GRM8: variants seen among roughly 807,000 people sequenced by gnomAD.
GRM8 encodes metabotropic glutamate receptor 8.
Under a neutral mutation model 87.2 loss-of-function variants are expected in GRM8, and 47 were observed. That is an observed-to-expected ratio of 0.54 (90% CI 0.43 to 0.69). The LOEUF (loss-of-function observed/expected upper bound fraction) is 0.69. Ranked by LOEUF, GRM8 falls within the 30% of genes least tolerant of loss-of-function variation. The pLI is 0.00. For missense variants in GRM8, 1,019 were observed against 1,139.2 expected (o/e 0.89, Z 1.52); for synonymous variants, 396 against 404.5 (o/e 0.98, Z 0.25).
intron 2 of GRM8, among the ~76,000 whole-genome samples, chr7:127,131,493 A>G (rs1190124572): frequency 6.6e-6 from 1 of 152,196 alleles, no homozygotes; most frequent in Non-Finnish European, 1.5e-5. Context: ...TCCCATTCTA[A>G]GTAGAATCAC....
intron 6 of GRM8, among the ~76,000 whole-genome samples, chr7:126,867,746 G>T: frequency 6.6e-6 from 1 of 152,138 alleles, no homozygotes; most frequent in East Asian, 1.9e-4. Flanking sequence ...AGAGGTGAAA[G>T]GAGGAGACAA....
At chr7:127,142,347 G>T (rs1342184110) in intron 2 of GRM8, among the ~76,000 whole-genome samples, 1 of 152,086 alleles carries the variant, frequency 6.6e-6, no homozygotes, top group Non-Finnish European at 1.5e-5. Context: ...CTAGTGCATG[G>T]ACTGGGGAAA....
chr7:127,063,962 A>T (rs552751765), intron 3 of GRM8, among the ~76,000 whole-genome samples: 1 of 152,218 alleles, frequency 6.6e-6, no homozygotes, highest in Non-Finnish European at 1.5e-5. Context: ...TTGACTTTCT[A>T]TTTTTATTGT....
intron 2 of GRM8, among the ~76,000 whole-genome samples, chr7:127,192,810 C>A (rs940898379): frequency 6.6e-6 from 1 of 152,172 alleles, no homozygotes; most frequent in Admixed American, 6.5e-5. Context: ...CACAGCAAGT[C>A]CACACCTTCT....
intron 2 of GRM8, among the ~76,000 whole-genome samples, chr7:127,191,725 T>C (rs1046115734): frequency 6.6e-6 from 1 of 152,212 alleles, no homozygotes; most frequent in Non-Finnish European, 1.5e-5. Context: ...AAATAATATT[T>C]TCAACATTAG....
Position 127,015,080 on chromosome 7 carries a change from AG to A in GRM8, c.727+91415del, listed in dbSNP as rs1358489123. 9.6e-3 allele frequency among the ~76,000 whole-genome samples: 902 copies of A among 93,806 alleles called. 7 individuals carry two copies. Among genetic ancestry groups the A allele is most frequent in the Middle Eastern group, 0.017 (3 of 172 alleles). 61.5% of individuals were successfully genotyped at this position (93,806 alleles called of 152,430 possible). On this transcript the variant is annotated intron_variant, in intron 3 of 10. Coordinates refer to ENST00000339582, the MANE Select transcript of GRM8 (RefSeq NM_000845.3). ...GAAGAAGAAGAAGAAAGAAAGAAGGAGAAGAAGGAGAAGAAGGAGAAGGAGA... is the reference window on the plus strand; with the variant it reads ...GAAGAAGAAGAAGAAAGAAAGAAGGAAAGAAGGAGAAGAAGGAGAAGGAGA...
intron 9 of GRM8, among the ~76,000 whole-genome samples, chr7:126,489,454 C>T (rs1450264573): frequency 6.6e-6 from 1 of 151,936 alleles, no homozygotes; most frequent in Admixed American, 6.6e-5. Context: ...TGAATATTGG[C>T]AAAGTACTAT....
At chr7:127,210,351 C>A (rs936142661) in intron 2 of GRM8, among the ~76,000 whole-genome samples, 10 of 152,138 alleles carry the variant, frequency 6.6e-5, no homozygotes, top group Admixed American at 3.3e-4. Flanking sequence ...TAATGTTTTA[C>A]TTCCCAAGCC....
chr7:126,493,131 C>A lies in GRM8; in HGVS notation c.2430+39821G>T, dbSNP rs530707947. Among the ~76,000 whole-genome samples the A allele has an allele frequency of 5.3e-5, 8 of 152,090 alleles. No individual in the cohort carries two copies. In the South Asian group the frequency reaches 1.7e-3, roughly 32 times the overall value. On this transcript the variant is annotated intron_variant, in intron 9 of 10. Coordinates refer to ENST00000339582, the MANE Select transcript of GRM8 (RefSeq NM_000845.3). ...ACATTTTCATCTAGTAAAACTGCTC[C>A]ACTATGGAATCCCCTTTCCCTTTTT... is the stretch of plus-strand genomic sequence containing the variant.
chr7:126,585,077 C>T (rs57903513), intron 8 of GRM8, among the ~76,000 whole-genome samples: 8,004 of 152,162 alleles, frequency 0.053, 599 homozygotes, highest in African/African-American at 0.16. Flanking sequence ...TATAGCATCG[C>T]TTCTATTTAT....
chr7:127,242,705 C>G lies in GRM8; in HGVS notation c.500G>C (p.Arg167Thr), dbSNP rs776219293. 1.9e-6 allele frequency: 3 copies of G among 1,613,674 alleles called. No individual in the cohort carries two copies. Among genetic ancestry groups the G allele is most frequent in the Non-Finnish European group, 2.5e-6 (3 of 1,179,870 alleles). ...SVSIMVANIL[R>T]LFKIPQISYA... ...AATGCCTTTACCTACCTTAAAAAGTCTTAAAATGTTAGCAACCATGATGGA... is the reference window on the plus strand; with the variant it reads ...AATGCCTTTACCTACCTTAAAAAGTGTTAAAATGTTAGCAACCATGATGGA... Residue 167 changes from arginine to threonine, a missense_variant, in exon 2 of 11, where the codon AGA (arginine) becomes ACA (threonine). Physicochemically the swap from Arg to Thr is moderately conservative, Grantham distance 71 (BLOSUM62 -1). Transcript: ENST00000339582.
intron 9 of GRM8, among the ~76,000 whole-genome samples, chr7:126,487,709 A>G (rs1044010844): frequency 2.6e-4 from 40 of 152,062 alleles, no homozygotes; most frequent in African/African-American, 8.2e-4. Context: ...AGATTTTACT[A>G]TAGAATATAA....
intron 3 of GRM8, among the ~76,000 whole-genome samples, chr7:126,998,716 A>C (rs1055244227): frequency 1.3e-5 from 2 of 151,716 alleles, no homozygotes; most frequent in African/African-American, 4.8e-5. Flanking sequence ...AACTGAAAAA[A>C]ACTCTACAAT....
intron 2 of GRM8, among the ~76,000 whole-genome samples, chr7:127,154,033 C>G (rs1238055994): frequency 6.6e-6 from 1 of 152,166 alleles, no homozygotes; most frequent in East Asian, 1.9e-4. Flanking sequence ...TGCTGAAAAC[C>G]ACCTTTGAGA....
chr7:126,941,286 C>A (rs1305790590), intron 3 of GRM8, among the ~76,000 whole-genome samples: 2 of 151,904 alleles, frequency 1.3e-5, no homozygotes, highest in Non-Finnish European at 2.9e-5. Context: ...AAATTAAATC[C>A]CTTCCTAGAA....
chr7:126,560,431 A>AG (rs1331768670), intron 8 of GRM8, among the ~76,000 whole-genome samples: 6 of 152,124 alleles, frequency 3.9e-5, no homozygotes, highest in South Asian at 2.1e-4. Flanking sequence ...TTCAAGCAGC[A>AG]GGGGGGAATG....
At chr7:126,782,350 C>T (rs1820167374) in intron 6 of GRM8, among the ~76,000 whole-genome samples, 1 of 152,120 alleles carries the variant, frequency 6.6e-6, no homozygotes, top group Non-Finnish European at 1.5e-5. Context: ...AGAGGCACAG[C>T]CAGGAATAGA....
At chr7:126,688,876 C>A (rs2151360617) in intron 7 of GRM8, among the ~76,000 whole-genome samples, 1 of 152,160 alleles carries the variant, frequency 6.6e-6, no homozygotes, top group South Asian at 2.1e-4. Context: ...AGAGCTCTCG[C>A]TTTTCCTCTA....
intron 2 of GRM8, among the ~76,000 whole-genome samples, chr7:127,234,086 C>T (rs772078269): frequency 2.6e-5 from 4 of 152,084 alleles, no homozygotes; most frequent in Non-Finnish European, 4.4e-5. Context: ...CTCTTGTGAC[C>T]CTCTATTGAT....
Sources: gnomAD v4.1 joint callset for allele counts (sites outside exome capture counted in the v4.1 genomes callset) on GRCh38, gnomAD v4.1.1 for gene constraint, MANE v1.5 for transcripts, NCBI Gene and HGNC (gene_info 2026-07-23, HGNC 2026-07-21) for gene names.